The following PSD3 variants were observed in gnomAD, a reference collection of about 807,000 sequenced individuals.
The protein encoded by PSD3 is pleckstrin and Sec7 domain containing 3.
A neutral mutation model predicts 105.5 loss-of-function variants in PSD3; 49 were observed. The observed-to-expected ratio is 0.46, with a 90% CI of 0.37 to 0.59. The LOEUF (loss-of-function observed/expected upper bound fraction) is 0.59. PSD3 is among the 20% of genes least tolerant of loss of function. The probability of loss-of-function intolerance (pLI) is 0.00; values close to 1 mark genes in which losing one functional copy is unlikely to be tolerated. For synonymous variants in PSD3, 557 were observed against 457.8 expected (o/e 1.22, Z -2.77); for missense variants, 1,561 against 1,263.8 (o/e 1.24, Z -3.57).
intron 8 of PSD3, 113 bp from the exon 9 acceptor site, chr8:18,765,651 G>A: frequency 1.1e-6 from 1 of 930,572 alleles, no homozygotes; most frequent in Non-Finnish European, 1.7e-6. Flanking sequence ...ACTAGGCCAG[G>A]TGCGGTGGCT....
intron 3 of PSD3, 105 bp downstream of exon 3, chr8:18,871,521 A>C: frequency 1.4e-6 from 2 of 1,414,600 alleles, no homozygotes; most frequent in Non-Finnish European, 1.9e-6. Flanking sequence ...CATGATAACA[A>C]GAACCCAAGG....
chr8:18,785,882 T>C (rs1022769012), intron 8 of PSD3, among the ~76,000 whole-genome samples: 5 of 152,132 alleles, frequency 3.3e-5, no homozygotes, highest in Admixed American at 2.6e-4. Context: ...AGTCAAAACA[T>C]ATATATTTAT....
At chr8:18,882,705 C>T (rs1485817968) in intron 2 of PSD3, among the ~76,000 whole-genome samples, 1 of 152,064 alleles carries the variant, frequency 6.6e-6, no homozygotes, top group Non-Finnish European at 1.5e-5. Flanking sequence ...TTTACATTTA[C>T]ATTTAAGTTA....
chr8:18,601,176 T>A (rs1187896656), intron 11 of PSD3, among the ~76,000 whole-genome samples: 2 of 152,222 alleles, frequency 1.3e-5, no homozygotes, highest in Non-Finnish European at 2.9e-5. Flanking sequence ...TTTCTTCTGT[T>A]TATATTTTTC....
chr8:18,553,279 G>C (rs1171552786), intron 15 of PSD3, among the ~76,000 whole-genome samples: 2 of 152,302 alleles, frequency 1.3e-5, no homozygotes, highest in East Asian at 3.9e-4. Flanking sequence ...TCATGCCTAT[G>C]ATCTTCCCTG....
At chr8:18,650,552 C>A (rs978669725) in intron 10 of PSD3, among the ~76,000 whole-genome samples, 1 of 152,302 alleles carries the variant, frequency 6.6e-6, no homozygotes, top group South Asian at 2.1e-4. Flanking sequence ...CTCTTCATTA[C>A]AGTTTTTGTA....
chr8:18,686,712 G>T (rs1020034577), intron 9 of PSD3, among the ~76,000 whole-genome samples: 4 of 152,114 alleles, frequency 2.6e-5, no homozygotes, highest in Non-Finnish European at 4.4e-5. Context: ...ATCTTTGTCA[G>T]TCAGGCCTGA....
chr8:18,907,170 G>A (rs945186082), intron 2 of PSD3, among the ~76,000 whole-genome samples: 10 of 152,214 alleles, frequency 6.6e-5, no homozygotes, highest in African/African-American at 1.2e-4. Flanking sequence ...TAAATTTAGC[G>A]TAGCCTAAGT....
At chr8:18,686,442 T>C (rs544105703) in intron 9 of PSD3, among the ~76,000 whole-genome samples, 3 of 152,378 alleles carry the variant, frequency 2.0e-5, no homozygotes, top group East Asian at 3.9e-4. Flanking sequence ...TGAGCTTTTC[T>C]GCAAGTCAGG....
chr8:18,673,591 T>G (rs1210077626), intron 9 of PSD3, among the ~76,000 whole-genome samples: 1 of 152,204 alleles, frequency 6.6e-6, no homozygotes, highest in African/African-American at 2.4e-5. Flanking sequence ...AGGGTTTCCC[T>G]TTGCCATTGT....
intron 7 of PSD3, among the ~76,000 whole-genome samples, chr8:18,800,706 A>G (rs1196498075): frequency 1.3e-5 from 2 of 152,224 alleles, no homozygotes; most frequent in African/African-American, 4.8e-5. Context: ...ATAGTTTATT[A>G]AAATCATCAA....
At chr8:18,758,546 C>G (rs1282143429) in intron 9 of PSD3, among the ~76,000 whole-genome samples, 1 of 150,148 alleles carries the variant, frequency 6.7e-6, no homozygotes, top group Non-Finnish European at 1.5e-5. Context: ...ATCTGTTGTT[C>G]TTTACCCTTA....
chr8:18,734,873 C>G (rs1339361897), intron 9 of PSD3, among the ~76,000 whole-genome samples: 1 of 152,200 alleles, frequency 6.6e-6, no homozygotes, highest in Admixed American at 6.5e-5. Context: ...TTCCAGAGAA[C>G]AGCAATACCA....
At chr8:18,612,271 G>C (rs1415586948) in intron 11 of PSD3, among the ~76,000 whole-genome samples, 2 of 152,028 alleles carry the variant, frequency 1.3e-5, no homozygotes, top group Non-Finnish European at 2.9e-5. Context: ...CTCTAAAATT[G>C]GATTCTGATG....
At chr8:18,937,575 A>G (rs1822223006) in intron 1 of PSD3, among the ~76,000 whole-genome samples, 1 of 152,194 alleles carries the variant, frequency 6.6e-6, no homozygotes, top group Non-Finnish European at 1.5e-5. Flanking sequence ...AGCGTGCACA[A>G]CATTCAGACA....
intron 4 of PSD3, among the ~76,000 whole-genome samples, chr8:18,818,339 T>C (rs535670903): frequency 2.5e-4 from 38 of 151,946 alleles, no homozygotes; most frequent in African/African-American, 9.2e-4. Context: ...TATTATATTT[T>C]AAAGTAGGGA....
At chr8:18,698,294 A>T (rs1353734635) in intron 9 of PSD3, among the ~76,000 whole-genome samples, 2 of 152,096 alleles carry the variant, frequency 1.3e-5, no homozygotes, top group Admixed American at 6.6e-5. Context: ...TTTTAAAAAA[A>T]TTTTTGTAGA....
At chr8:18,754,182 C>T (rs953776360) in intron 9 of PSD3, among the ~76,000 whole-genome samples, 2 of 152,060 alleles carry the variant, frequency 1.3e-5, no homozygotes, top group Non-Finnish European at 2.9e-5. Flanking sequence ...TCAGGAGTTC[C>T]GGATCAGCCT....
At chr8:18,985,271 T>C (rs1276973259) in intron 1 of PSD3, among the ~76,000 whole-genome samples, 2 of 152,098 alleles carry the variant, frequency 1.3e-5, no homozygotes, top group African/African-American at 4.8e-5. Context: ...TGCCCTGTCT[T>C]TACCTGGTTC....
Sources: allele counts gnomAD v4.1 joint callset (sites outside exome capture counted in the v4.1 genomes callset), GRCh38; gene constraint gnomAD v4.1.1; transcripts MANE v1.5; gene names NCBI Gene and HGNC (gene_info 2026-07-23, HGNC 2026-07-21).